SCN8A: variants seen among roughly 807,000 people sequenced by gnomAD.
SCN8A encodes sodium voltage-gated channel alpha subunit 8, also known as sodium channel protein type 8 subunit alpha.
In SCN8A, 30 loss-of-function variants were observed where a neutral mutation model predicts 184.1. The ratio of observed to expected loss-of-function variants is 0.16; its 90% CI spans 0.12 to 0.22. The LOEUF is 0.22. Among genes scored for constraint, SCN8A ranks in the 10% least tolerant of loss-of-function variants. The probability of loss-of-function intolerance (pLI) is 1.00; values close to 1 mark genes in which losing one functional copy is unlikely to be tolerated. For missense variants in SCN8A, 1,057 were observed against 2,498.9 expected, an observed-to-expected ratio of 0.42 and a Z score of 12.30; for synonymous variants, 852 against 907.0, an observed-to-expected ratio of 0.94 and a Z score of 1.09.
At chr12:51,789,910 G>C (rs1271743294) in intron 24 of SCN8A, among the ~76,000 whole-genome samples, 1 of 152,198 alleles carries the variant, frequency 6.6e-6, no homozygotes, top group Admixed American at 6.5e-5. Context: ...TGCTCATTTT[G>C]TAAGTCAAGT....
In SCN8A at chr12:51,807,001, G is replaced by A. The variant is rs1938720718; in HGVS notation, c.5515G>A (p.Gly1839Arg). The A allele has an allele frequency of 3.1e-6, 5 of 1,614,060 alleles. No individual in the cohort carries two copies. The highest frequency in any genetic ancestry group is 2.2e-5 in the East Asian group (1 of 44,886). Residue 1839 changes from glycine to arginine, a missense_variant, in exon 27 of 27, where the codon GGG becomes AGG. Around this residue, in one of 19 missense-constraint regions of SCN8A, gnomAD observed 50 missense variants for 125.8 expected, o/e 0.40. Transcript: ENST00000627620. This position sits in a 1 kb window ranked among gnomAD's most constrained non-coding sequence, Gnocchi z 4.5. ...CGCTATGGATCTGCCAATGGTGAGC[G>A]GGGATCGCATCCACTGCTTGGACAT... is the stretch of plus-strand genomic sequence containing the variant. ...LIAMDLPMVS[G>R]DRIHCLDILF...
chr12:51,667,234 T>C (rs1257328477), intron 2 of SCN8A, among the ~76,000 whole-genome samples: 1 of 152,198 alleles, frequency 6.6e-6, no homozygotes, highest in African/African-American at 2.4e-5. Flanking sequence ...CCAGAGTTTC[T>C]TTATGTGTAT....
rs2138942754 is a variant in SCN8A at position 51,806,538 on chromosome 12, C to T, written c.5052C>T (p.Asp1684=). The change falls in exon 27 of 27, where the codon GAC becomes GAT. Residue 1684 remains aspartate (D), a synonymous_variant. Transcript: ENST00000627620. This position sits in a 1 kb window ranked among gnomAD's most constrained non-coding sequence, Gnocchi z 8.7. ...AYVKHEAGID[D]MFNFETFGNS... is the part of the protein sequence containing the mutation. Reference sequence around the variant, plus strand: ...TGAAGCACGAGGCTGGTATCGATGACATGTTCAACTTTGAGACATTTGGCA... The same window carrying T: ...TGAAGCACGAGGCTGGTATCGATGATATGTTCAACTTTGAGACATTTGGCA... 6.2e-7 allele frequency: 1 copy of T among 1,614,194 alleles called. No individual in the cohort carries two copies. The highest frequency in any genetic ancestry group is 8.5e-7 in the Non-Finnish European group (1 of 1,180,040).
chr12:51,683,730 C>G (rs1457031183), intron 2 of SCN8A, among the ~76,000 whole-genome samples: 1 of 152,178 alleles, frequency 6.6e-6, no homozygotes, highest in Non-Finnish European at 1.5e-5. Context: ...TATTGTCTGT[C>G]TTTCCCACTA....
intron 3 of SCN8A, among the ~76,000 whole-genome samples, chr12:51,686,103 G>A (rs996157553): frequency 6.6e-6 from 1 of 152,202 alleles, no homozygotes; most frequent in Admixed American, 6.5e-5. Flanking sequence ...AGGGGAACAT[G>A]TTTCATCCAA....
At chr12:51,780,565 C>CCTTTTTT in intron 20 of SCN8A, 84 bp from the exon 21 acceptor site, 1 of 297,248 alleles carries the variant, frequency 3.4e-6, no homozygotes, top group Non-Finnish European at 4.1e-6. Flanking sequence ...TGTTTTCTTT[C>CCTTTTTT]TTTTTTTTTT....
rs201291830 is a variant in SCN8A at position 51,758,937 on chromosome 12, T to TAC, written c.2371-3556_2371-3555dup. Among the ~76,000 whole-genome samples the TAC allele has an allele frequency of 5.0e-3, 751 of 151,572 alleles. 6 individuals carry two copies. The highest frequency in any genetic ancestry group is 0.017 in the African/African-American group (718 of 41,136). On this transcript the variant is annotated intron_variant, in intron 14 of 26. Transcript: ENST00000627620. ...TGAAACCTCAGATAGTACCAAGCCA[T>TAC]ACACACACACATACACACACATATA...
chr12:51,707,106 A>G (rs948552999), intron 11 of SCN8A, among the ~76,000 whole-genome samples: 7 of 152,076 alleles, frequency 4.6e-5, no homozygotes, highest in African/African-American at 1.7e-4. Flanking sequence ...TTCTTTATCC[A>G]TTTATTTGTT....
At chr12:51,641,643 G>A (rs1940456457) in intron 1 of SCN8A, among the ~76,000 whole-genome samples, 3 of 152,218 alleles carry the variant, frequency 2.0e-5, no homozygotes, top group African/African-American at 7.2e-5. Flanking sequence ...AGTGTCTCCT[G>A]TAGGCATTGT....
intron 1 of SCN8A, among the ~76,000 whole-genome samples, chr12:51,613,096 T>C (rs1939758463): frequency 1.3e-5 from 2 of 152,190 alleles, no homozygotes; most frequent in South Asian, 4.1e-4. Flanking sequence ...GTTTTGTTTT[T>C]TTCTTGTCCT....
chr12:51,692,592 T>G (rs1941530539), intron 6 of SCN8A, among the ~76,000 whole-genome samples: 1 of 152,238 alleles, frequency 6.6e-6, no homozygotes, highest in South Asian at 2.1e-4. Flanking sequence ...AGACCCTTTC[T>G]AAATTTTCTT....
At chr12:51,602,705 G>A (rs1939494422) in intron 1 of SCN8A, among the ~76,000 whole-genome samples, 1 of 152,146 alleles carries the variant, frequency 6.6e-6, no homozygotes, top group Admixed American at 6.5e-5. Context: ...GGTATGTGGT[G>A]TTTTTATGGC....
At chr12:51,762,296 G>A (rs920183658) in intron 14 of SCN8A, among the ~76,000 whole-genome samples, 1 of 152,098 alleles carries the variant, frequency 6.6e-6, no homozygotes, top group Non-Finnish European at 1.5e-5. Flanking sequence ...GGAACTTTGG[G>A]GCTGGGGACT....
intron 2 of SCN8A, among the ~76,000 whole-genome samples, chr12:51,665,499 C>T (rs1361914723): frequency 6.6e-6 from 1 of 152,128 alleles, no homozygotes; most frequent in African/African-American, 2.4e-5. Flanking sequence ...TACAAACTAA[C>T]AGCATGTCAA....
chr12:51,679,580 ACTGC>A (rs1489390761), intron 2 of SCN8A, among the ~76,000 whole-genome samples: 1 of 152,178 alleles, frequency 6.6e-6, no homozygotes, highest in Non-Finnish European at 1.5e-5. Context: ...TGCAGTATTG[ACTGC>A]CTGCGCCCTT....
chr12:51,611,296 G>A (rs1301345663), intron 1 of SCN8A, among the ~76,000 whole-genome samples: 2 of 151,666 alleles, frequency 1.3e-5, no homozygotes, highest in African/African-American at 2.4e-5. Flanking sequence ...AGAGTAGCTG[G>A]GACTACAGGT....
chr12:51,660,507 T>A (rs143923267), intron 1 of SCN8A, among the ~76,000 whole-genome samples: 277 of 152,334 alleles, frequency 1.8e-3, no homozygotes, highest in African/African-American at 6.6e-3. Context: ...TCAGGCATAA[T>A]CTTATTCACT....
At chr12:51,705,280 A>T in intron 9 of SCN8A, 137 bp from the exon 10 acceptor site, 2 of 685,292 alleles carry the variant, frequency 2.9e-6, no homozygotes, top group Non-Finnish European at 4.9e-6. Context: ...TGCCCACAAT[A>T]GGAAGGAGTA....
chr12:51,682,512 T>C (rs1389511723), intron 2 of SCN8A, among the ~76,000 whole-genome samples: 1 of 152,298 alleles, frequency 6.6e-6, no homozygotes, highest in African/African-American at 2.4e-5. Flanking sequence ...AGAGAGAGAC[T>C]TTTTAAGGAC....
Sources: gnomAD v4.1 joint callset for allele counts (sites outside exome capture counted in the v4.1 genomes callset) on GRCh38, gnomAD v4.1.1 for gene constraint, gnomAD v4.1.1 regional missense constraint, Gnocchi (gnomAD v3.1) non-coding constraint, MANE v1.5 for transcripts, NCBI Gene and HGNC (gene_info 2026-07-23, HGNC 2026-07-21) for gene names.